GRM4: variants seen among roughly 807,000 people sequenced by gnomAD.
GRM4 encodes glutamate metabotropic receptor 4.
GRM4 carries 28 observed loss-of-function variants against 81.7 expected under a neutral mutation model. That is an observed-to-expected ratio of 0.34 (90% confidence interval 0.25 to 0.47). The LOEUF (loss-of-function observed/expected upper bound fraction) is 0.47. Ranked by LOEUF, GRM4 falls within the 20% of genes least tolerant of loss-of-function variation. The pLI, the probability that GRM4 is intolerant of heterozygous loss-of-function variation, is 1.00. For synonymous variants in GRM4, 488 were observed against 528.8 expected, an observed-to-expected ratio of 0.92 and a Z score of 1.06; for missense variants, 948 against 1,290.0, an observed-to-expected ratio of 0.73 and a Z score of 4.06.
chr6:34,144,044 A>G (rs1195916104), intron 1 of GRM4, among the ~76,000 whole-genome samples: 1 of 152,186 alleles, frequency 6.6e-6, no homozygotes, highest in Non-Finnish European at 1.5e-5. Context: ...CTCCCGCGCC[A>G]GGGGCCGGCA....
At chr6:34,073,858 T>C (rs529897804) in intron 3 of GRM4, among the ~76,000 whole-genome samples, 2 of 152,256 alleles carry the variant, frequency 1.3e-5, no homozygotes, top group South Asian at 2.1e-4. Context: ...TCACACTGCT[T>C]GGGGGCCCAG....
At chr6:34,093,806 AG>A (rs1768373019) in intron 2 of GRM4, among the ~76,000 whole-genome samples, 1 of 152,016 alleles carries the variant, frequency 6.6e-6, no homozygotes, top group Non-Finnish European at 1.5e-5. Context: ...CTGTGGGAAA[AG>A]CCCAAACCAC....
rs1027266069 is a variant in GRM4, at chr6:34,115,418, A to G, written c.519+17560T>C. ...CGGCACCCGCACCGTCTGCCCGGCC[A>G]CATGCCCAACTCCCACCAAAACTGG... On this transcript the variant is annotated intron_variant, in intron 2 of 10. Coordinates refer to ENST00000538487, the MANE Select transcript of GRM4 (RefSeq NM_000841.4). This position sits in a 1 kb window ranked among gnomAD's most constrained non-coding sequence, Gnocchi z 4.1. Among the ~76,000 whole-genome samples, 10 of 152,204 alleles carry G rather than the reference A, an allele frequency of 6.6e-5. No individual in the cohort carries two copies. The highest frequency in any genetic ancestry group is 2.4e-4 in the African/African-American group (10 of 41,440).
Position 34,111,009 on chromosome 6 carries a change from C to T in GRM4, c.520-18910G>A, listed in dbSNP as rs762712807. ...AGACAGGGCTCCCCATGGGCACCCTCAGGCTGCCAAGGCTTGGGGGCAGCT... is the reference window on the plus strand; with the variant it reads ...AGACAGGGCTCCCCATGGGCACCCTTAGGCTGCCAAGGCTTGGGGGCAGCT... On this transcript the variant is annotated intron_variant, in intron 2 of 10. Coordinates refer to ENST00000538487, the MANE Select transcript of GRM4 (RefSeq NM_000841.4). This position sits in a 1 kb window ranked among gnomAD's most constrained non-coding sequence, Gnocchi z 5.1. The T allele has an allele frequency of 2.1e-4, 75 of 352,808 alleles. No homozygotes were observed. Among genetic ancestry groups the T allele is most frequent in the Admixed American group, 5.2e-4 (10 of 19,340 alleles). The allele number at this position is 352,808 out of a possible 1,614,324, so 21.9% of individuals were successfully genotyped here.
chr6:34,052,987 T>C (rs1339261896), intron 6 of GRM4, among the ~76,000 whole-genome samples: 1 of 152,228 alleles, frequency 6.6e-6, no homozygotes, highest in East Asian at 1.9e-4. Flanking sequence ...ACCAACAGAC[T>C]TGGACTATTA....
intron 6 of GRM4, among the ~76,000 whole-genome samples, chr6:34,050,236 C>G (rs573600668): frequency 1.5e-3 from 225 of 152,290 alleles, no homozygotes; most frequent in Non-Finnish European, 2.6e-3. Flanking sequence ...CCACATGGCT[C>G]TCTCTCTCAC....
intron 1 of GRM4, 105 bp downstream of exon 1, chr6:34,145,895 C>G: frequency 7.1e-6 from 5 of 699,968 alleles, no homozygotes; most frequent in Non-Finnish European, 8.8e-6. Context: ...CGCCACCCCT[C>G]CACACCCGCC....
Position 34,121,610 on chromosome 6 carries a change from C to A in GRM4, c.519+11368G>T, listed in dbSNP as rs553820772. Among the ~76,000 whole-genome samples, 1 of 152,188 alleles carries A rather than the reference C, an allele frequency of 6.6e-6. No homozygotes were observed. The highest frequency in any genetic ancestry group is 1.9e-4 in the East Asian group (1 of 5,188). ...GGCTGGAGACCAGGAGCAGGCAGCA[C>A]CTTCGAGGCAGATCCCCGCTCAGGG... On this transcript the variant is annotated intron_variant, in intron 2 of 10. Coordinates refer to ENST00000538487, the MANE Select transcript of GRM4 (RefSeq NM_000841.4). The surrounding 1 kb of genome is among the most constrained non-coding windows in gnomAD (Gnocchi z 4.6).
chr6:34,099,829 C>T (rs1281313149), intron 2 of GRM4, among the ~76,000 whole-genome samples: 1 of 152,138 alleles, frequency 6.6e-6, no homozygotes, highest in Non-Finnish European at 1.5e-5. Flanking sequence ...GGCCCCAGAT[C>T]GGGAGACTGT....
intron 2 of GRM4, among the ~76,000 whole-genome samples, chr6:34,119,680 C>T (rs574725517): frequency 2.0e-5 from 3 of 152,292 alleles, no homozygotes; most frequent in South Asian, 4.1e-4. Context: ...GCAGTTCTGT[C>T]GGAGCCTAGA....
Position 34,138,238 on chromosome 6 carries a change from G to T in GRM4, c.-363-4379C>A, listed in dbSNP as rs551977815. Among the ~76,000 whole-genome samples the T allele has an allele frequency of 4.4e-3, 668 of 152,240 alleles. 4 individuals carry two copies. The highest frequency in any genetic ancestry group is 0.015 in the African/African-American group (622 of 41,554). On this transcript the variant is annotated intron_variant, in intron 1 of 10. Coordinates refer to ENST00000538487, the MANE Select transcript of GRM4 (RefSeq NM_000841.4). Reference sequence around the variant, plus strand: ...AGCTCCCATAGGAAAAGGGCTTGGGGACTCAGGCCCGAGCCCCTTGGGGTT... The same window carrying T: ...AGCTCCCATAGGAAAAGGGCTTGGGTACTCAGGCCCGAGCCCCTTGGGGTT...
intron 2 of GRM4, chr6:34,110,630 C>A (rs904482714): frequency 3.9e-6 from 4 of 1,021,258 alleles, no homozygotes; most frequent in Non-Finnish European, 1.5e-6. Flanking sequence ...CTGCTCCCTA[C>A]CCCCTTACCA....
chr6:34,110,738 T>C (rs2127499073), intron 2 of GRM4: 1 of 1,503,116 alleles, frequency 6.7e-7, no homozygotes. Context: ...TGGTAGCACC[T>C]GCAGCCCGTG....
intron 6 of GRM4, chr6:34,054,770 TCCATCCCCACCCTCAC>T (rs1158247293): frequency 4.6e-5 from 7 of 151,416 alleles, no homozygotes; most frequent in Non-Finnish European, 1.5e-5. Flanking sequence ...CCCCACCTCA[TCCATCCCCACCCTCAC>T]CCCTGATCTG....
intron 9 of GRM4, among the ~76,000 whole-genome samples, chr6:34,029,139 C>T (rs910793208): frequency 2.6e-5 from 4 of 152,226 alleles, no homozygotes; most frequent in African/African-American, 9.7e-5. Flanking sequence ...TCCTTCGGGT[C>T]CTCCAGGCCT....
intron 8 of GRM4, among the ~76,000 whole-genome samples, chr6:34,039,443 C>T (rs1331817303): frequency 6.6e-6 from 1 of 152,172 alleles, no homozygotes; most frequent in Non-Finnish European, 1.5e-5. Flanking sequence ...TCACAGTGGG[C>T]CCACCCCGGT....
At chr6:34,096,915 AGT>A (rs5875485) in intron 2 of GRM4, among the ~76,000 whole-genome samples, 76 of 132,482 alleles carry the variant, frequency 5.7e-4, no homozygotes, top group African/African-American at 1.3e-3. Flanking sequence ...AGTACATCTG[AGT>A]GTGTGTGTGT....
intron 6 of GRM4, among the ~76,000 whole-genome samples, chr6:34,050,850 G>A (rs535713454): frequency 1.3e-5 from 2 of 152,144 alleles, no homozygotes; most frequent in African/African-American, 4.8e-5. Flanking sequence ...CTCGCAGGAC[G>A]GCTCCCCAGG....
chr6:34,067,667 G>A (rs1468147707), intron 3 of GRM4, among the ~76,000 whole-genome samples: 2 of 150,338 alleles, frequency 1.3e-5, no homozygotes, highest in African/African-American at 4.9e-5. Flanking sequence ...TCCTGGTATA[G>A]TCAGTCCCTA....
Sources: allele counts gnomAD v4.1 joint callset (sites outside exome capture counted in the v4.1 genomes callset), GRCh38; gene constraint gnomAD v4.1.1; non-coding constraint Gnocchi (gnomAD v3.1); transcripts MANE v1.5; gene names NCBI Gene and HGNC (gene_info 2026-07-23, HGNC 2026-07-21).